RALYL: variants seen among roughly 807,000 people sequenced by gnomAD.
The protein encoded by RALYL is RNA-binding Raly-like protein.
Under a neutral mutation model 35.1 loss-of-function variants are expected in RALYL, and 29 were observed. The observed-to-expected ratio is 0.83, with a 90% CI of 0.61 to 1.13. The LOEUF is 1.13. RALYL is among the 50% of genes most tolerant of loss of function. The probability of loss-of-function intolerance (pLI) is 0.00; values close to 1 mark genes in which losing one functional copy is unlikely to be tolerated. For missense variants in RALYL, 359 were observed against 360.4 expected (o/e 1.00, Z 0.03); for synonymous variants, 120 against 127.6 (o/e 0.94, Z 0.40).
chr8:84,401,228 CT>C (rs201273412), intron 1 of RALYL, among the ~76,000 whole-genome samples: 1 of 151,860 alleles, frequency 6.6e-6, no homozygotes, highest in Non-Finnish European at 1.5e-5. Flanking sequence ...TTTTCTTCTT[CT>C]TTTTTTTAAT....
At chr8:84,861,860 G>A (rs1346223787) in intron 5 of RALYL, among the ~76,000 whole-genome samples, 5 of 152,186 alleles carry the variant, frequency 3.3e-5, no homozygotes, top group African/African-American at 1.2e-4. Context: ...CTTTGTTCCT[G>A]TTCTGCAAGA....
chr8:84,758,060 G>T (rs1404914139), intron 2 of RALYL, among the ~76,000 whole-genome samples: 1 of 152,110 alleles, frequency 6.6e-6, no homozygotes, highest in Non-Finnish European at 1.5e-5. Context: ...AAAAATTGAT[G>T]AATGTATTCT....
intron 2 of RALYL, among the ~76,000 whole-genome samples, chr8:84,683,609 A>T (rs932748172): frequency 3.9e-5 from 6 of 152,146 alleles, no homozygotes; most frequent in African/African-American, 1.4e-4. Flanking sequence ...AACTACATCT[A>T]TACAGCACTG....
chr8:84,802,024 A>AAT (rs1351443275), intron 3 of RALYL, among the ~76,000 whole-genome samples: 23 of 152,320 alleles, frequency 1.5e-4, no homozygotes, highest in African/African-American at 5.3e-4. Flanking sequence ...CCAACAAAAT[A>AAT]ATATCTCACA....
intron 4 of RALYL, among the ~76,000 whole-genome samples, chr8:84,811,624 AT>A (rs1196525773): frequency 6.6e-6 from 1 of 152,082 alleles, no homozygotes; most frequent in Non-Finnish European, 1.5e-5. Flanking sequence ...ATACTTTTAG[AT>A]TTCTCTTCTT....
intron 2 of RALYL, among the ~76,000 whole-genome samples, chr8:84,712,769 T>C (rs1842397589): frequency 6.6e-6 from 1 of 152,274 alleles, no homozygotes; most frequent in Middle Eastern, 3.4e-3. Flanking sequence ...AAAATAATGT[T>C]AATTTGTATC....
At chr8:84,762,826 T>G (rs192550700) in intron 2 of RALYL, among the ~76,000 whole-genome samples, 2 of 152,326 alleles carry the variant, frequency 1.3e-5, no homozygotes. Flanking sequence ...CAACCATTAT[T>G]ATCATCAGTG....
At chr8:84,298,336 A>T (rs1840152059) in intron 1 of RALYL, among the ~76,000 whole-genome samples, 1 of 151,876 alleles carries the variant, frequency 6.6e-6, no homozygotes, top group Admixed American at 6.6e-5. Context: ...TGATGATCAG[A>T]TGGTTTTAGG....
chr8:84,734,157 C>G (rs564641810), intron 2 of RALYL, among the ~76,000 whole-genome samples: 1 of 152,280 alleles, frequency 6.6e-6, no homozygotes, highest in East Asian at 1.9e-4. Flanking sequence ...CCACATTTAT[C>G]TCTGTTTACT....
chr8:84,753,055 A>G (rs1349657977), intron 2 of RALYL, among the ~76,000 whole-genome samples: 1 of 152,192 alleles, frequency 6.6e-6, no homozygotes, highest in Non-Finnish European at 1.5e-5. Flanking sequence ...CCAGCCCCTG[A>G]GAGCAGCCAT....
intron 1 of RALYL, among the ~76,000 whole-genome samples, chr8:84,441,422 T>C (rs1015835715): frequency 2.5e-4 from 38 of 152,250 alleles, no homozygotes; most frequent in African/African-American, 7.9e-4. Context: ...TGGATAAATG[T>C]TGCTGATTGG....
intron 2 of RALYL, among the ~76,000 whole-genome samples, chr8:84,556,472 C>T (rs1219658356): frequency 6.6e-6 from 1 of 151,988 alleles, no homozygotes; most frequent in African/African-American, 2.4e-5. Context: ...GACTAAGCTC[C>T]TATCGACCAT....
intron 3 of RALYL, among the ~76,000 whole-genome samples, chr8:84,779,306 G>GGTC (rs1380804699): frequency 9.2e-5 from 14 of 152,308 alleles, no homozygotes; most frequent in African/African-American, 3.1e-4. Context: ...TATTTGTAAA[G>GGTC]TAGACAGACC....
At chr8:84,539,886 ATGTGTGTGTG>A (rs371636213) in intron 2 of RALYL, among the ~76,000 whole-genome samples, 88 of 86,866 alleles carry the variant, frequency 1.0e-3, no homozygotes, top group African/African-American at 3.8e-3. Flanking sequence ...ATGTATATAT[ATGTGTGTGTG>A]TGTGTGTGTG....
chr8:84,651,958 G>T (rs1052556400), intron 2 of RALYL, among the ~76,000 whole-genome samples: 1 of 151,932 alleles, frequency 6.6e-6, no homozygotes, highest in African/African-American at 2.4e-5. Context: ...ACAAGTCTTT[G>T]CATAGTAAAG....
chr8:84,661,859 T>C (rs903284140), intron 2 of RALYL, among the ~76,000 whole-genome samples: 3 of 151,918 alleles, frequency 2.0e-5, no homozygotes, highest in African/African-American at 7.2e-5. Context: ...CCTGGCAGTG[T>C]AGAAGGAATT....
At chr8:84,367,110 ATTTTCTT>A (rs1854472767) in intron 1 of RALYL, among the ~76,000 whole-genome samples, 3 of 148,294 alleles carry the variant, frequency 2.0e-5, no homozygotes, top group African/African-American at 7.4e-5. Flanking sequence ...TCTCATTTTC[ATTTTCTT>A]TTTTCTTTTG....
At chr8:84,528,338 G>A (rs546663569) in intron 1 of RALYL, among the ~76,000 whole-genome samples, 3 of 152,010 alleles carry the variant, frequency 2.0e-5, no homozygotes, top group Non-Finnish European at 4.4e-5. Flanking sequence ...AAATGTTGTG[G>A]AAGGAAGAAA....
chr8:84,726,289 T>A (rs1222235569), intron 2 of RALYL, among the ~76,000 whole-genome samples: 1 of 146,814 alleles, frequency 6.8e-6, no homozygotes, highest in Non-Finnish European at 1.5e-5. Flanking sequence ...TATATATTTT[T>A]AAAAATAAAA....
Sources: allele counts gnomAD v4.1 joint callset (sites outside exome capture counted in the v4.1 genomes callset), GRCh38; gene constraint gnomAD v4.1.1; transcripts MANE v1.5; gene names NCBI Gene and HGNC (gene_info 2026-07-23, HGNC 2026-07-21).